The following BICC1 variants were observed in gnomAD, a reference collection of about 807,000 sequenced individuals.
BICC1 encodes the protein protein bicaudal C homolog 1.
Under a neutral mutation model 111.0 loss-of-function variants are expected in BICC1, and 43 were observed. The observed-to-expected ratio is 0.39, with a 90% CI of 0.30 to 0.50. The LOEUF is 0.50. Among genes scored for constraint, BICC1 ranks in the 20% least tolerant of loss-of-function variants. The pLI is 0.88. For missense variants in BICC1, 1,091 were observed against 1,203.2 expected (o/e 0.91, Z 1.38); for synonymous variants, 467 against 434.4 (o/e 1.07, Z -0.93).
chr10:58,716,248 A>C, intron 3 of BICC1: 1 of 1,495,718 alleles, frequency 6.7e-7, no homozygotes, highest in Non-Finnish European at 9.1e-7. Context: ...GAAACACAGT[A>C]AGAAGAAAAG....
chr10:58,626,118 A>G (rs1204275282), intron 2 of BICC1, among the ~76,000 whole-genome samples: 1 of 152,192 alleles, frequency 6.6e-6, no homozygotes, highest in Admixed American at 6.5e-5. Context: ...CAAATTTATA[A>G]AAGGGTATGC....
intron 3 of BICC1, among the ~76,000 whole-genome samples, chr10:58,780,448 G>A (rs1842854394): frequency 6.6e-6 from 1 of 152,164 alleles, no homozygotes; most frequent in African/African-American, 2.4e-5. Flanking sequence ...GTTGAATCCT[G>A]TTCTCAGCAG....
chr10:58,512,835 G>A (rs1480517020), upstream of BICC1, among the ~76,000 whole-genome samples: 10 of 149,438 alleles, frequency 6.7e-5, no homozygotes, highest in African/African-American at 1.7e-4. Context: ...GGGGCGCCGA[G>A]CCCTGCGGAT....
rs574540477 is a variant in BICC1, at chr10:58,725,111, C to T, written c.307+22968C>T. On this transcript the variant is annotated intron_variant, in intron 3 of 20. Transcript: ENST00000373886. ...ATCTAGACATTTCTGCCTTGTTTAA[C>T]GTGTGGCTTACTTTCCTGTTCTGTG... Among the ~76,000 whole-genome samples the T allele has an allele frequency of 1.3e-4, 20 of 152,280 alleles. No homozygotes were observed. In the South Asian group the frequency reaches 2.5e-3, roughly 19 times the overall value.
chr10:58,601,242 T>A (rs1845029421), intron 1 of BICC1, among the ~76,000 whole-genome samples: 1 of 149,132 alleles, frequency 6.7e-6, no homozygotes, highest in African/African-American at 2.4e-5. Context: ...CACATTTTGA[T>A]CTTGTGATGA....
At chr10:58,680,539 G>A (rs1002842906) in intron 2 of BICC1, among the ~76,000 whole-genome samples, 6 of 152,044 alleles carry the variant, frequency 3.9e-5, no homozygotes, top group African/African-American at 1.2e-4. Flanking sequence ...ACAAACAAAC[G>A]GAAAAACATT....
intron 1 of BICC1, among the ~76,000 whole-genome samples, chr10:58,528,000 C>T (rs1842589688): frequency 6.6e-6 from 1 of 151,878 alleles, no homozygotes; most frequent in South Asian, 2.1e-4. Flanking sequence ...AATTGGTGCC[C>T]TGTAAATAGT....
intron 9 of BICC1, among the ~76,000 whole-genome samples, chr10:58,794,817 C>T (rs952685236): frequency 1.3e-5 from 2 of 152,136 alleles, no homozygotes; most frequent in African/African-American, 4.8e-5. Context: ...CTTTGAAGAG[C>T]GATTTCTGAT....
intron 1 of BICC1, among the ~76,000 whole-genome samples, chr10:58,599,983 T>C (rs974391914): frequency 1.1e-4 from 17 of 151,930 alleles, no homozygotes; most frequent in African/African-American, 4.1e-4. Context: ...GTTTGTATTC[T>C]GTGATTCATT....
intron 1 of BICC1, among the ~76,000 whole-genome samples, chr10:58,579,730 A>G (rs1340812736): frequency 6.6e-6 from 1 of 152,192 alleles, no homozygotes; most frequent in Non-Finnish European, 1.5e-5. Context: ...TCCCCTACTC[A>G]GTTGGCTGAG....
chr10:58,820,948 G>A (rs1433532462), intron 20 of BICC1, among the ~76,000 whole-genome samples: 1 of 152,104 alleles, frequency 6.6e-6, no homozygotes, highest in African/African-American at 2.4e-5. Context: ...TCTTCCCACT[G>A]TCTTAATAGA....
At chr10:58,748,783 A>G (rs1841907113) in intron 3 of BICC1, among the ~76,000 whole-genome samples, 1 of 152,134 alleles carries the variant, frequency 6.6e-6, no homozygotes, top group Non-Finnish European at 1.5e-5. Context: ...CTACCCCCTG[A>G]GACTCTAACT....
At chr10:58,636,963 G>T (rs2132195436) in intron 2 of BICC1, among the ~76,000 whole-genome samples, 1 of 151,694 alleles carries the variant, frequency 6.6e-6, no homozygotes, top group Admixed American at 6.6e-5. Flanking sequence ...TGGGGGGAAG[G>T]CTGTGTGGCT....
At chr10:58,556,830 T>A (rs1234574172) in intron 1 of BICC1, among the ~76,000 whole-genome samples, 1 of 152,084 alleles carries the variant, frequency 6.6e-6, no homozygotes, top group African/African-American at 2.4e-5. Flanking sequence ...GGCTTCCATT[T>A]AAAAAGAATT....
chr10:58,718,765 TGCGCGCGC>T (rs139589306), intron 3 of BICC1, among the ~76,000 whole-genome samples: 22 of 148,264 alleles, frequency 1.5e-4, no homozygotes, highest in African/African-American at 4.7e-4. Flanking sequence ...TGTGTGTGTG[TGCGCGCGC>T]GCGTGCGCGC....
chr10:58,789,614 A>C lies in BICC1; in HGVS notation c.796-68A>C, dbSNP rs1846005425. On this transcript the variant is annotated intron_variant, in intron 7 of 20. Transcript: ENST00000373886. ...TTTTTCCATAGCTGTTAGAAATGCA[A>C]TAGAATCTTTCCCCGTATATGAACA... 2.5e-6 allele frequency: 4 copies of C among 1,574,694 alleles called. No homozygotes were observed. In the South Asian group the frequency reaches 4.7e-5, roughly 18 times the overall value.
intron 17 of BICC1, among the ~76,000 whole-genome samples, chr10:58,811,734 C>CT (rs1843912035): frequency 6.6e-6 from 1 of 152,156 alleles, no homozygotes. Context: ...ACAAGAGTCT[C>CT]TGTTACATAT....
chr10:58,720,151 C>T (rs2132519703), intron 3 of BICC1, among the ~76,000 whole-genome samples: 1 of 152,352 alleles, frequency 6.6e-6, no homozygotes, highest in South Asian at 2.1e-4. Context: ...CCAAACCTGG[C>T]CTTTAGTTTC....
chr10:58,693,789 A>C (rs887503069), intron 2 of BICC1, among the ~76,000 whole-genome samples: 3 of 152,042 alleles, frequency 2.0e-5, no homozygotes, highest in African/African-American at 7.2e-5. Context: ...AGGTTGCAAA[A>C]ATTTTCTCCC....
Sources: allele counts gnomAD v4.1 joint callset (sites outside exome capture counted in the v4.1 genomes callset), GRCh38; gene constraint gnomAD v4.1.1; transcripts MANE v1.5; gene names NCBI Gene and HGNC (gene_info 2026-07-23, HGNC 2026-07-21).